MED27: variants seen among roughly 807,000 people sequenced by gnomAD.
MED27 encodes mediator of RNA polymerase II transcription subunit 27.
A neutral mutation model predicts 38.2 loss-of-function variants in MED27; 30 were observed. The ratio of observed to expected loss-of-function variants is 0.79; its 90% CI spans 0.59 to 1.07. The LOEUF is 1.07. MED27 is among the 50% of genes least tolerant of loss of function. The pLI is 0.00. For missense variants in MED27, 289 were observed against 397.5 expected (o/e 0.73, Z 2.32); for synonymous variants, 122 against 153.5 (o/e 0.79, Z 1.52).
At chr9:131,890,477 T>A (rs781582312) in intron 5 of MED27, among the ~76,000 whole-genome samples, 1 of 152,142 alleles carries the variant, frequency 6.6e-6, no homozygotes, top group African/African-American at 2.4e-5. Context: ...GGGCCTGAGG[T>A]CTCCCTTTAC....
At chr9:131,950,289 T>C (rs951111244) in intron 3 of MED27, among the ~76,000 whole-genome samples, 1 of 152,224 alleles carries the variant, frequency 6.6e-6, no homozygotes, top group African/African-American at 2.4e-5. Flanking sequence ...TGAACTGAGA[T>C]GCAACAATTC....
chr9:131,983,196 G>A (rs1831777428), intron 3 of MED27, among the ~76,000 whole-genome samples: 1 of 152,146 alleles, frequency 6.6e-6, no homozygotes, highest in African/African-American at 2.4e-5. Flanking sequence ...TTACAGATGA[G>A]GAAAAGGATT....
intron 4 of MED27, among the ~76,000 whole-genome samples, chr9:131,907,909 G>A (rs571013515): frequency 5.9e-5 from 7 of 118,882 alleles, no homozygotes; most frequent in East Asian, 2.8e-4. Context: ...GCCCGGCCGC[G>A]ACCCCGTCTG....
intron 3 of MED27, among the ~76,000 whole-genome samples, chr9:131,986,660 TG>T: frequency 6.6e-6 from 1 of 152,356 alleles, no homozygotes; most frequent in Non-Finnish European, 1.5e-5. Context: ...AGGTGTGCCG[TG>T]GGTTCTACCA....
Position 132,003,522 on chromosome 9 carries a change from A to G in MED27, c.479+10815T>C, listed in dbSNP as rs1052958984. ...GACAGTTGGGCCTGAAGGGTTGGCT[A>G]GAGCAAGGCTAGACGGGGAGGCAGG... On this transcript the variant is annotated intron_variant, in intron 3 of 7. Transcript: ENST00000292035. The surrounding 1 kb of genome is among the most constrained non-coding windows in gnomAD (Gnocchi z 4.2). Among the ~76,000 whole-genome samples, 28 of 152,310 alleles carry G rather than the reference A, an allele frequency of 1.8e-4. 1 individual carries two copies. Among genetic ancestry groups the G allele is most frequent in the African/African-American group, 6.3e-4 (26 of 41,564 alleles).
chr9:132,030,139 G>A (rs1832923705), intron 2 of MED27, among the ~76,000 whole-genome samples: 1 of 152,236 alleles, frequency 6.6e-6, no homozygotes, highest in Admixed American at 6.5e-5. Flanking sequence ...CCTGACCAGT[G>A]TTAGGGGATT....
intron 2 of MED27, among the ~76,000 whole-genome samples, chr9:132,039,307 A>G (rs1222645876): frequency 6.6e-6 from 1 of 152,186 alleles, no homozygotes; most frequent in African/African-American, 2.4e-5. Context: ...GCTAGTGAAG[A>G]GGAAGCTGTG....
chr9:132,077,326 C>T (rs1432088689), intron 2 of MED27, 116 bp downstream of exon 2: 2 of 1,046,612 alleles, frequency 1.9e-6, no homozygotes, highest in Admixed American at 4.6e-5. Flanking sequence ...TCTATAACCC[C>T]ATGCTGAATC....
At chr9:132,028,940 G>T (rs554417138) in intron 2 of MED27, among the ~76,000 whole-genome samples, 1 of 152,280 alleles carries the variant, frequency 6.6e-6, no homozygotes, top group African/African-American at 2.4e-5. Context: ...ATTAACATTT[G>T]CAGATTCACC....
At chr9:131,919,501 C>T (rs1321898616) in intron 4 of MED27, among the ~76,000 whole-genome samples, 1 of 152,088 alleles carries the variant, frequency 6.6e-6, no homozygotes, top group African/African-American at 2.4e-5. Flanking sequence ...TCAAGTCAGA[C>T]TGGGATCCAA....
chr9:131,949,544 C>G (rs1421534480), intron 3 of MED27, among the ~76,000 whole-genome samples: 3 of 152,224 alleles, frequency 2.0e-5, no homozygotes, highest in African/African-American at 7.2e-5. Context: ...CTAGGGCTTT[C>G]TTACACACCG....
intron 2 of MED27, among the ~76,000 whole-genome samples, chr9:132,024,234 T>C (rs529456297): frequency 6.6e-6 from 1 of 152,330 alleles, no homozygotes; most frequent in East Asian, 1.9e-4. Context: ...TTTGCGTTTA[T>C]TGGGCACACT....
chr9:131,981,655 AGGC>A (rs1204519233), intron 3 of MED27, among the ~76,000 whole-genome samples: 1 of 152,212 alleles, frequency 6.6e-6, no homozygotes, highest in Non-Finnish European at 1.5e-5. Flanking sequence ...AATAGCAGGA[AGGC>A]AACTTACCAC....
intron 3 of MED27, among the ~76,000 whole-genome samples, chr9:131,967,763 G>A (rs1437925970): frequency 1.3e-5 from 2 of 151,080 alleles, no homozygotes; most frequent in Admixed American, 6.6e-5. Flanking sequence ...CAGGTGATTC[G>A]GCCTCCCAAA....
chr9:131,951,629 T>A (rs1830998782), intron 3 of MED27, among the ~76,000 whole-genome samples: 1 of 152,260 alleles, frequency 6.6e-6, no homozygotes, highest in African/African-American at 2.4e-5. Context: ...GTAGCATCAC[T>A]ATCCTCTTCA....
intron 2 of MED27, among the ~76,000 whole-genome samples, chr9:132,056,505 C>G (rs548970003): frequency 6.6e-6 from 1 of 152,244 alleles, no homozygotes; most frequent in Admixed American, 6.5e-5. Flanking sequence ...TTTTTTAGTG[C>G]CAACATGATA....
chr9:131,958,832 G>A (rs997668959), intron 3 of MED27, among the ~76,000 whole-genome samples: 1 of 152,180 alleles, frequency 6.6e-6, no homozygotes, highest in African/African-American at 2.4e-5. Context: ...TACGACCTGG[G>A]TGAAAATGGA....
intron 3 of MED27, among the ~76,000 whole-genome samples, chr9:131,956,606 C>T (rs1589232859): frequency 6.8e-6 from 1 of 147,754 alleles, no homozygotes; most frequent in Non-Finnish European, 1.5e-5. Context: ...CAGAGTGAGA[C>T]TCCGCCTCAA....
At chr9:131,920,214 CCT>C (rs896898278) in intron 4 of MED27, among the ~76,000 whole-genome samples, 2 of 152,298 alleles carry the variant, frequency 1.3e-5, no homozygotes, top group South Asian at 4.1e-4. Flanking sequence ...CATAAACACT[CCT>C]CTCTAACAGT....
Sources: gnomAD v4.1 joint callset for allele counts (sites outside exome capture counted in the v4.1 genomes callset) on GRCh38, gnomAD v4.1.1 for gene constraint, Gnocchi (gnomAD v3.1) non-coding constraint, MANE v1.5 for transcripts, NCBI Gene and HGNC (gene_info 2026-07-23, HGNC 2026-07-21) for gene names.